PLEKHA5: variants seen among roughly 807,000 people sequenced by gnomAD.
PLEKHA5 encodes pleckstrin homology domain-containing family A member 5.
In PLEKHA5, 55 loss-of-function variants were observed where a neutral mutation model predicts 181.9. The ratio of observed to expected loss-of-function variants is 0.30; its 90% CI spans 0.24 to 0.38. The LOEUF (loss-of-function observed/expected upper bound fraction) is 0.38. Ranked by LOEUF, PLEKHA5 falls within the 10% of genes least tolerant of loss-of-function variation. The pLI is 1.00. For missense variants in PLEKHA5, 1,432 were observed against 1,549.5 expected (o/e 0.92, Z 1.27); for synonymous variants, 535 against 529.4 (o/e 1.01, Z -0.15).
At chr12:19,245,916 G>A (rs2063626374) in intron 3 of PLEKHA5, among the ~76,000 whole-genome samples, 1 of 150,140 alleles carries the variant, frequency 6.7e-6, no homozygotes, top group Non-Finnish European at 1.5e-5. Flanking sequence ...GAAATCATAA[G>A]TATTATTTTA....
At chr12:19,200,059 G>A (rs1370448695) in intron 3 of PLEKHA5, among the ~76,000 whole-genome samples, 1 of 152,004 alleles carries the variant, frequency 6.6e-6, no homozygotes, top group Non-Finnish European at 1.5e-5. Context: ...TCAAATGTTG[G>A]ATAGCAGAGT....
At chr12:19,253,905 C>G (rs1263192638) in intron 3 of PLEKHA5, 35 bp from the exon 4 acceptor site, 1 of 1,127,532 alleles carries the variant, frequency 8.9e-7, no homozygotes, top group Non-Finnish European at 1.3e-6. Flanking sequence ...TTTTAAATAC[C>G]TGCATGTTCT....
At chr12:19,259,953 C>A (rs373735958) in intron 6 of PLEKHA5, among the ~76,000 whole-genome samples, 1 of 151,776 alleles carries the variant, frequency 6.6e-6, no homozygotes, top group Non-Finnish European at 1.5e-5. Flanking sequence ...ACTGGCCTCT[C>A]GTTTTTTCTT....
intron 8 of PLEKHA5, among the ~76,000 whole-genome samples, chr12:19,267,986 T>C (rs1713966648): frequency 6.6e-6 from 1 of 151,628 alleles, no homozygotes; most frequent in South Asian, 2.1e-4. Flanking sequence ...TTACATGAGC[T>C]ATGGAGAAAA....
intron 3 of PLEKHA5, among the ~76,000 whole-genome samples, chr12:19,206,321 CATG>C (rs1371261588): frequency 6.6e-6 from 1 of 151,832 alleles, no homozygotes; most frequent in Non-Finnish European, 1.5e-5. Context: ...TTGTTATTTT[CATG>C]ATGAACACAA....
At chr12:19,281,568 CA>C (rs1358471942) in intron 11 of PLEKHA5, among the ~76,000 whole-genome samples, 6 of 146,872 alleles carry the variant, frequency 4.1e-5, no homozygotes, top group Admixed American at 4.1e-4. Context: ...CAGAGCAAAA[CA>C]CTATCTCCAA....
At chr12:19,265,873 AATT>A (rs2070172747) in intron 8 of PLEKHA5, 23 bp downstream of exon 8, 10 of 1,344,288 alleles carry the variant, frequency 7.4e-6, no homozygotes, top group Non-Finnish European at 1.1e-5. Context: ...TGCAGTTTTT[AATT>A]CTGTGTTCAA....
At chr12:19,296,417 G>A (rs1203541532) in intron 15 of PLEKHA5, among the ~76,000 whole-genome samples, 2 of 151,912 alleles carry the variant, frequency 1.3e-5, no homozygotes, top group African/African-American at 4.8e-5. Flanking sequence ...GCCTGGTGGT[G>A]TGTGCCTGTA....
intron 15 of PLEKHA5, among the ~76,000 whole-genome samples, chr12:19,305,556 C>G (rs57714433): frequency 2.3e-5 from 1 of 44,300 alleles, no homozygotes; most frequent in Non-Finnish European, 6.1e-5. Context: ...GAGACTGTGT[C>G]TCAAAAAAAA....
intron 11 of PLEKHA5, among the ~76,000 whole-genome samples, chr12:19,277,087 A>T (rs530406590): frequency 2.6e-3 from 403 of 152,328 alleles, no homozygotes; most frequent in African/African-American, 9.2e-3. Context: ...ATAAGCTTAT[A>T]TATTACTAGC....
chr12:19,180,361 C>T (rs1405375738), intron 3 of PLEKHA5, among the ~76,000 whole-genome samples: 3 of 152,134 alleles, frequency 2.0e-5, no homozygotes, highest in Admixed American at 2.0e-4. Flanking sequence ...GAAAACCCCT[C>T]TATTTAACCC....
At chr12:19,144,187 G>T (rs2151180071) in intron 3 of PLEKHA5, among the ~76,000 whole-genome samples, 1 of 152,266 alleles carries the variant, frequency 6.6e-6, no homozygotes, top group Non-Finnish European at 1.5e-5. Context: ...GATTCAGATG[G>T]TTTGAAACAC....
At chr12:19,189,614 G>A (rs1044822981) in intron 3 of PLEKHA5, among the ~76,000 whole-genome samples, 2 of 152,096 alleles carry the variant, frequency 1.3e-5, no homozygotes, top group Non-Finnish European at 2.9e-5. Flanking sequence ...AGATGGTTGT[G>A]GGAAAGCCAA....
chr12:19,198,098 C>T (rs568378674), intron 3 of PLEKHA5, among the ~76,000 whole-genome samples: 34 of 152,242 alleles, frequency 2.2e-4, no homozygotes, highest in African/African-American at 8.2e-4. Context: ...CCTGCTTCTC[C>T]GCTCTTGACC....
intron 15 of PLEKHA5, chr12:19,307,470 G>A: frequency 3.7e-6 from 1 of 271,972 alleles, no homozygotes; most frequent in Non-Finnish European, 7.3e-6. Context: ...AAAACTCTTG[G>A]CTCAAAAAAA....
chr12:19,164,197 G>GTTTTTTTTTTT, intron 3 of PLEKHA5, among the ~76,000 whole-genome samples: 1 of 92,820 alleles, frequency 1.1e-5, no homozygotes, highest in Non-Finnish European at 2.2e-5. Flanking sequence ...AGATGTTTTT[G>GTTTTTTTTTTT]TTTTTTTTTT....
intron 3 of PLEKHA5, among the ~76,000 whole-genome samples, chr12:19,164,121 C>T (rs1232465731): frequency 6.6e-6 from 1 of 152,002 alleles, no homozygotes; most frequent in Non-Finnish European, 1.5e-5. Flanking sequence ...TTAAGCCACC[C>T]CCTTTCTGAA....
chr12:19,177,235 T>C (rs569145083), intron 3 of PLEKHA5, among the ~76,000 whole-genome samples: 59 of 152,292 alleles, frequency 3.9e-4, no homozygotes, highest in African/African-American at 1.4e-3. Flanking sequence ...AAGAATACGA[T>C]ACATTGTTAT....
At chr12:19,294,935 T>C (rs1367885130) in intron 15 of PLEKHA5, among the ~76,000 whole-genome samples, 2 of 152,310 alleles carry the variant, frequency 1.3e-5, no homozygotes, top group East Asian at 1.9e-4. Context: ...ACAATAGATA[T>C]ACTAATTACA....
Sources: allele counts gnomAD v4.1 joint callset (sites outside exome capture counted in the v4.1 genomes callset), GRCh38; gene constraint gnomAD v4.1.1; transcripts MANE v1.5; gene names NCBI Gene and HGNC (gene_info 2026-07-23, HGNC 2026-07-21).